Variants in CHST8 observed in about 807,000 individuals in gnomAD.
CHST8 encodes GALNAC-4-ST1.
Under a neutral mutation model 15.0 loss-of-function variants are expected in CHST8, and 10 were observed. That is an observed-to-expected ratio of 0.67 (90% CI 0.41 to 1.13). The LOEUF (loss-of-function observed/expected upper bound fraction) is 1.13. Among genes scored for constraint, CHST8 ranks in the 50% most tolerant of loss-of-function variants. The pLI, the probability that CHST8 is intolerant of heterozygous loss-of-function variation, is 0.00. For missense variants in CHST8, 634 were observed against 608.2 expected (o/e 1.04, Z -0.45); for synonymous variants, 259 against 256.6 (o/e 1.01, Z -0.09).
chr19:33,662,375 G>A (rs1214857272), intron 1 of CHST8, among the ~76,000 whole-genome samples: 2 of 152,204 alleles, frequency 1.3e-5, no homozygotes, highest in Non-Finnish European at 2.9e-5. Flanking sequence ...ACTGCACCCA[G>A]CTTGAAAGGA....
At chr19:33,686,120 C>T (rs1019872650) in intron 2 of CHST8, among the ~76,000 whole-genome samples, 15 of 152,110 alleles carry the variant, frequency 9.9e-5, no homozygotes, top group Admixed American at 6.5e-4. Context: ...AAGCCACAGA[C>T]GGCTCCAATG....
At chr19:33,769,140 C>A (rs1398873450) in intron 3 of CHST8, among the ~76,000 whole-genome samples, 1 of 152,192 alleles carries the variant, frequency 6.6e-6, no homozygotes, top group Non-Finnish European at 1.5e-5. Flanking sequence ...TAAAATGGAA[C>A]AGGACCACAG....
At chr19:33,690,258 G>T (rs1049317672) in intron 3 of CHST8, among the ~76,000 whole-genome samples, 1 of 152,196 alleles carries the variant, frequency 6.6e-6, no homozygotes, top group African/African-American at 2.4e-5. Context: ...CCGCTCCTCT[G>T]CAGGGACACC....
intron 1 of CHST8, among the ~76,000 whole-genome samples, chr19:33,649,308 T>C (rs1462440043): frequency 6.6e-6 from 1 of 152,170 alleles, no homozygotes; most frequent in Non-Finnish European, 1.5e-5. Flanking sequence ...TCATTGGGGA[T>C]GCATCTTTTC....
intron 3 of CHST8, among the ~76,000 whole-genome samples, chr19:33,748,999 G>C (rs1277483283): frequency 6.6e-6 from 1 of 152,188 alleles, no homozygotes; most frequent in South Asian, 2.1e-4. Context: ...GGCATCAGAG[G>C]AATTCAGGAC....
At chr19:33,726,036 G>A (rs1358461389) in intron 3 of CHST8, among the ~76,000 whole-genome samples, 17 of 152,222 alleles carry the variant, frequency 1.1e-4, no homozygotes, top group Non-Finnish European at 2.5e-4. Context: ...GGGGCTTCTT[G>A]CATTCTCCCT....
intron 3 of CHST8, among the ~76,000 whole-genome samples, chr19:33,754,219 A>T (rs1974500540): frequency 6.7e-6 from 1 of 148,156 alleles, no homozygotes; most frequent in Non-Finnish European, 1.5e-5. Flanking sequence ...TGTGGTACAA[A>T]CCCCCTCCTC....
At chr19:33,698,302 C>T (rs886878018) in intron 3 of CHST8, among the ~76,000 whole-genome samples, 1 of 151,390 alleles carries the variant, frequency 6.6e-6, no homozygotes, top group Non-Finnish European at 1.5e-5. Context: ...GCTGAGATCA[C>T]GGCAACTACA....
At chr19:33,640,661 G>T (rs117314080) in intron 1 of CHST8, among the ~76,000 whole-genome samples, 221 of 152,342 alleles carry the variant, frequency 1.5e-3, no homozygotes, top group Non-Finnish European at 2.9e-3. Flanking sequence ...GGACTCTAAT[G>T]ACAGTCGGAA....
At chr19:33,751,589 C>G (rs538031800) in intron 3 of CHST8, among the ~76,000 whole-genome samples, 26 of 152,264 alleles carry the variant, frequency 1.7e-4, no homozygotes. Context: ...GTTCTGTGAA[C>G]CCCCCAGCCT....
At chr19:33,657,936 A>G (rs1008649275) in intron 1 of CHST8, among the ~76,000 whole-genome samples, 2 of 152,158 alleles carry the variant, frequency 1.3e-5, no homozygotes, top group African/African-American at 4.8e-5. Flanking sequence ...ATCCTCCAAA[A>G]CAAGCAAGGA....
chr19:33,711,000 A>G (rs548324763), intron 3 of CHST8, among the ~76,000 whole-genome samples: 1 of 151,880 alleles, frequency 6.6e-6, no homozygotes, highest in East Asian at 1.9e-4. Context: ...CCCCCCAAGT[A>G]GCTGGAACTA....
chr19:33,643,632 G>A (rs537172167), intron 1 of CHST8, among the ~76,000 whole-genome samples: 1 of 152,260 alleles, frequency 6.6e-6, no homozygotes, highest in Non-Finnish European at 1.5e-5. Flanking sequence ...TAATTCCTGT[G>A]TTAACTAGGG....
At chr19:33,703,977 C>A (rs1244396609) in intron 3 of CHST8, among the ~76,000 whole-genome samples, 1 of 152,186 alleles carries the variant, frequency 6.6e-6, no homozygotes, top group East Asian at 1.9e-4. Context: ...GGAGGAGCTC[C>A]TGGGGGCTTC....
intron 3 of CHST8, among the ~76,000 whole-genome samples, chr19:33,735,399 C>G (rs1568347973): frequency 6.6e-6 from 1 of 152,246 alleles, no homozygotes; most frequent in Non-Finnish European, 1.5e-5. Context: ...GGACCGGGAA[C>G]AGTGTCTGCC....
intron 3 of CHST8, among the ~76,000 whole-genome samples, chr19:33,734,737 C>T (rs1322832966): frequency 1.3e-5 from 2 of 152,120 alleles, no homozygotes; most frequent in Non-Finnish European, 2.9e-5. Flanking sequence ...CCTTCCTGAT[C>T]CCAGAGCTGC....
At chr19:33,729,513 C>A (rs1261013392) in intron 3 of CHST8, among the ~76,000 whole-genome samples, 1 of 152,198 alleles carries the variant, frequency 6.6e-6, no homozygotes, top group East Asian at 1.9e-4. Context: ...CAAGTCCAGC[C>A]CACCTGGGAA....
chr19:33,638,913 G>C (rs1353648720), intron 1 of CHST8, among the ~76,000 whole-genome samples: 1 of 152,014 alleles, frequency 6.6e-6, no homozygotes, highest in Non-Finnish European at 1.5e-5. Flanking sequence ...GAGAGGATGT[G>C]GATGGGGGGC....
chr19:33,715,320 C>T (rs1431432402), intron 3 of CHST8, among the ~76,000 whole-genome samples: 1 of 152,212 alleles, frequency 6.6e-6, no homozygotes, highest in Non-Finnish European at 1.5e-5. Context: ...CCTGCTGGAG[C>T]TCAGACCCAT....
Sources: gnomAD v4.1 joint callset for allele counts (sites outside exome capture counted in the v4.1 genomes callset) on GRCh38, gnomAD v4.1.1 for gene constraint, MANE v1.5 for transcripts, NCBI Gene and HGNC (gene_info 2026-07-23, HGNC 2026-07-21) for gene names.